The following AK8 variants were observed in gnomAD, a reference collection of about 807,000 sequenced individuals.
AK8 encodes the protein adenylate kinase 8, also known as ATP-AMP transphosphorylase 8.
A neutral mutation model predicts 54.6 loss-of-function variants in AK8; 44 were observed. That is an observed-to-expected ratio of 0.81 (90% CI 0.63 to 1.04). The LOEUF (loss-of-function observed/expected upper bound fraction) is 1.04, where lower values mean the gene tolerates loss of function less well. Ranked by LOEUF, AK8 falls within the 50% of genes least tolerant of loss-of-function variation. The pLI, the probability that AK8 is intolerant of heterozygous loss-of-function variation, is 0.00. For synonymous variants in AK8, 239 were observed against 245.6 expected, an observed-to-expected ratio of 0.97 and a Z score of 0.25; for missense variants, 555 against 613.6, an observed-to-expected ratio of 0.90 and a Z score of 1.01.
intron 9 of AK8, among the ~76,000 whole-genome samples, chr9:132,822,504 G>A (rs554866908): frequency 3.3e-5 from 5 of 152,008 alleles, no homozygotes; most frequent in African/African-American, 1.2e-4. Context: ...AGTAAATACA[G>A]TAGAGGCTAC....
In AK8 at chr9:132,740,472, T is replaced by G. The variant is rs191156869; in HGVS notation, c.1122-12938A>C. Among the ~76,000 whole-genome samples the G allele has an allele frequency of 4.0e-3, 608 of 152,356 alleles. 2 individuals are homozygous for G. Among genetic ancestry groups the G allele is most frequent in the South Asian group, 0.021 (102 of 4,830 alleles). On this transcript the variant is annotated intron_variant, in intron 11 of 12. Coordinates refer to ENST00000298545, the MANE Select transcript of AK8 (RefSeq NM_152572.3). Reference sequence around the variant, plus strand: ...GTTCTCTCCATCACGGAGCTCATCTTGCACTTAGTGGCCGTGTGTGGTGGG... The same window carrying G: ...GTTCTCTCCATCACGGAGCTCATCTGGCACTTAGTGGCCGTGTGTGGTGGG...
At chr9:132,772,960 C>A (rs1215997752) in intron 11 of AK8, among the ~76,000 whole-genome samples, 1 of 152,306 alleles carries the variant, frequency 6.6e-6, no homozygotes, top group Middle Eastern at 3.4e-3. Flanking sequence ...CTACCTTGTC[C>A]CCCTGCCTAC....
intron 11 of AK8, among the ~76,000 whole-genome samples, chr9:132,764,133 T>C (rs1292624507): frequency 1.3e-5 from 2 of 152,230 alleles, no homozygotes; most frequent in Admixed American, 6.5e-5. Flanking sequence ...GGTGAAACCC[T>C]GTCTCTACTA....
At chr9:132,840,914 A>G (rs984003095) in intron 5 of AK8, among the ~76,000 whole-genome samples, 5 of 152,098 alleles carry the variant, frequency 3.3e-5, no homozygotes, top group African/African-American at 1.2e-4. Flanking sequence ...AGTGTCCAGG[A>G]CTGTTTTCTA....
At position 132,826,712 on chromosome 9, in the gene AK8, G is replaced by A. The variant is rs1290512881; in HGVS notation, c.757+142C>T. On this transcript the variant is annotated intron_variant, in intron 8 of 12. Coordinates refer to ENST00000298545, the MANE Select transcript of AK8 (RefSeq NM_152572.3). This position sits in a 1 kb window ranked among gnomAD's most constrained non-coding sequence, Gnocchi z 4.5. ...CATGCATTTCTGGGCAGGGAACCCG[G>A]GTCATCTATGTCTTGACTTCCAGGG... The A allele has an allele frequency of 1.6e-5, 16 of 972,192 alleles. No individual in the cohort carries two copies. In the East Asian group the frequency reaches 3.3e-4, roughly 20 times the overall value. 60.2% of individuals were successfully genotyped at this position (972,192 alleles called of 1,614,324 possible).
At chr9:132,863,431 C>A (rs1444112118) in intron 4 of AK8, among the ~76,000 whole-genome samples, 1 of 152,252 alleles carries the variant, frequency 6.6e-6, no homozygotes, top group African/African-American at 2.4e-5. Flanking sequence ...TCACTCGACC[C>A]GTGATCCTTT....
intron 4 of AK8, among the ~76,000 whole-genome samples, chr9:132,856,243 T>C (rs1194402175): frequency 6.6e-6 from 1 of 152,202 alleles, no homozygotes. Context: ...GGGGGCCTCC[T>C]GGCACAGCCT....
At chr9:132,786,168 G>A (rs990225122) in intron 11 of AK8, among the ~76,000 whole-genome samples, 3 of 152,220 alleles carry the variant, frequency 2.0e-5, no homozygotes, top group African/African-American at 4.8e-5. Flanking sequence ...TCAGGCACAG[G>A]TGCCACCTGG....
At chr9:132,743,265 A>G (rs561170682) in intron 11 of AK8, among the ~76,000 whole-genome samples, 9 of 152,370 alleles carry the variant, frequency 5.9e-5, no homozygotes, top group African/African-American at 2.2e-4. Flanking sequence ...GCGGCCCCAC[A>G]GGCACGGGTC....
chr9:132,822,647 C>T (rs1212227877), intron 9 of AK8, among the ~76,000 whole-genome samples: 1 of 152,014 alleles, frequency 6.6e-6, no homozygotes, highest in Admixed American at 6.6e-5. Context: ...CATCCAAGAC[C>T]GCCTGGGACC....
intron 11 of AK8, among the ~76,000 whole-genome samples, chr9:132,745,522 G>C (rs1164030569): frequency 6.6e-6 from 1 of 152,174 alleles, no homozygotes; most frequent in Non-Finnish European, 1.5e-5. Context: ...CCAGAGTCGG[G>C]TGTCTGGGCC....
intron 5 of AK8, among the ~76,000 whole-genome samples, chr9:132,838,500 G>T (rs1043216916): frequency 7.9e-5 from 12 of 152,334 alleles, no homozygotes; most frequent in Middle Eastern, 3.4e-3. Flanking sequence ...GTGCATCAGA[G>T]ACCTGACTCC....
chr9:132,869,196 TA>T (rs983780473), intron 2 of AK8, among the ~76,000 whole-genome samples: 3 of 152,310 alleles, frequency 2.0e-5, no homozygotes, highest in African/African-American at 7.2e-5. Context: ...TCTATATCTA[TA>T]TCTATGTCTA....
intron 5 of AK8, among the ~76,000 whole-genome samples, chr9:132,853,672 GCTA>G (rs1280128250): frequency 1.3e-5 from 2 of 150,808 alleles, no homozygotes; most frequent in Admixed American, 6.7e-5. Context: ...TGCAGTTCCA[GCTA>G]CTGGGGAGGT....
chr9:132,821,421 C>A (rs1234636455), intron 9 of AK8, among the ~76,000 whole-genome samples: 3 of 151,650 alleles, frequency 2.0e-5, no homozygotes, highest in Non-Finnish European at 4.4e-5. Context: ...GAGGAACAAT[C>A]AAAAGAAGAA....
At position 132,769,457 on chromosome 9, in the gene AK8, G is replaced by A. The variant is rs145639924; in HGVS notation, c.1121+23177C>T. 2.1e-3 allele frequency: 316 copies of A among 152,358 alleles called. 2 individuals carry two copies. The highest frequency in any genetic ancestry group is 6.2e-3 in the African/African-American group (259 of 41,572). 9.4% of individuals were successfully genotyped at this position (152,358 alleles called of 1,614,324 possible). ...ACTTTCCCGGGAGGGACCTTAGACT[G>A]TGCTGCCTGTTGCCAGCGTCGCAGG... On this transcript the variant is annotated intron_variant, in intron 11 of 12. Transcript: ENST00000298545.
At chr9:132,800,121 C>T (rs2131197144) in intron 10 of AK8, among the ~76,000 whole-genome samples, 1 of 152,308 alleles carries the variant, frequency 6.6e-6, no homozygotes, top group East Asian at 1.9e-4. Context: ...CAGGCCCTGA[C>T]TTAATTCAAG....
At chr9:132,854,524 G>A (rs1173698443) in intron 5 of AK8, among the ~76,000 whole-genome samples, 3 of 152,196 alleles carry the variant, frequency 2.0e-5, no homozygotes, top group South Asian at 2.1e-4. Context: ...GCCTCCTGCC[G>A]ATGCCAGTCC....
At chr9:132,869,135 G>A (rs965528590) in intron 2 of AK8, among the ~76,000 whole-genome samples, 1 of 152,212 alleles carries the variant, frequency 6.6e-6, no homozygotes, top group African/African-American at 2.4e-5. Flanking sequence ...AGCTGAGACT[G>A]CGCCACTGCA....
Sources: allele counts gnomAD v4.1 joint callset (sites outside exome capture counted in the v4.1 genomes callset), GRCh38; gene constraint gnomAD v4.1.1; non-coding constraint Gnocchi (gnomAD v3.1); transcripts MANE v1.5; gene names NCBI Gene and HGNC (gene_info 2026-07-23, HGNC 2026-07-21).